The following DGKB variants were observed in gnomAD, a reference collection of about 807,000 sequenced individuals.
DGKB encodes diacylglycerol kinase beta.
In DGKB, 67 loss-of-function variants were observed where a neutral mutation model predicts 114.3. The observed-to-expected ratio is 0.59, with a 90% confidence interval of 0.48 to 0.72. The LOEUF (loss-of-function observed/expected upper bound fraction) is 0.72, where lower values mean the gene tolerates loss of function less well. Among genes scored for constraint, DGKB ranks in the 30% least tolerant of loss-of-function variants. The pLI is 0.00. For synonymous variants in DGKB, 398 were observed against 323.1 expected, an observed-to-expected ratio of 1.23 and a Z score of -2.49; for missense variants, 907 against 975.2, an observed-to-expected ratio of 0.93 and a Z score of 0.93.
At chr7:14,958,424 C>CCAA (rs1440653525) in intron 1 of DGKB, among the ~76,000 whole-genome samples, 2 of 138,982 alleles carry the variant, frequency 1.4e-5, no homozygotes, top group Admixed American at 7.8e-5. Context: ...AATACCTCTC[C>CCAA]CAACACACAC....
intron 20 of DGKB, among the ~76,000 whole-genome samples, chr7:14,490,123 G>A (rs1330863109): frequency 2.6e-5 from 4 of 151,904 alleles, no homozygotes; most frequent in Non-Finnish European, 5.9e-5. Flanking sequence ...GAGTCAATGA[G>A]GTAAATATTG....
intron 5 of DGKB, among the ~76,000 whole-genome samples, chr7:14,733,309 G>T (rs548038025): frequency 2.6e-5 from 4 of 152,218 alleles, no homozygotes; most frequent in African/African-American, 9.6e-5. Context: ...CATCTTAAAG[G>T]GCTATCATGT....
At chr7:14,663,398 T>G (rs546534043) in intron 13 of DGKB, among the ~76,000 whole-genome samples, 1 of 152,118 alleles carries the variant, frequency 6.6e-6, no homozygotes, top group Admixed American at 6.6e-5. Context: ...ACTGAATTGT[T>G]TGTTTATTAT....
At chr7:14,755,566 C>A (rs1463422405) in intron 3 of DGKB, among the ~76,000 whole-genome samples, 1 of 152,110 alleles carries the variant, frequency 6.6e-6, no homozygotes, top group Admixed American at 6.6e-5. Context: ...TTGGGGTCAA[C>A]TTGACCAGCC....
intron 21 of DGKB, among the ~76,000 whole-genome samples, chr7:14,414,394 T>G (rs1825380207): frequency 6.6e-6 from 1 of 152,152 alleles, no homozygotes; most frequent in African/African-American, 2.4e-5. Flanking sequence ...CAATATTATA[T>G]GACATACAAA....
chr7:14,880,751 A>G (rs1240048736), intron 1 of DGKB, among the ~76,000 whole-genome samples: 1 of 152,164 alleles, frequency 6.6e-6, no homozygotes, highest in African/African-American at 2.4e-5. Context: ...CGTCTCTAGG[A>G]GCCTCATACC....
At chr7:14,889,975 T>C (rs1780932647) in intron 1 of DGKB, among the ~76,000 whole-genome samples, 1 of 151,396 alleles carries the variant, frequency 6.6e-6, no homozygotes, top group Non-Finnish European at 1.5e-5. Context: ...ATAAAAACAA[T>C]GAAAAAGAGG....
intron 14 of DGKB, among the ~76,000 whole-genome samples, chr7:14,628,638 C>G (rs1268021193): frequency 6.6e-6 from 1 of 152,006 alleles, no homozygotes; most frequent in Admixed American, 6.6e-5. Flanking sequence ...TCTATATGTT[C>G]TCCCACATAT....
chr7:14,923,165 A>AT (rs1450918410), intron 1 of DGKB, among the ~76,000 whole-genome samples: 3 of 152,074 alleles, frequency 2.0e-5, no homozygotes, highest in African/African-American at 7.2e-5. Context: ...TCAAATTGTG[A>AT]TTTTTTAGAA....
chr7:14,278,232 A>C (rs1461373782), intron 23 of DGKB, among the ~76,000 whole-genome samples: 1 of 148,516 alleles, frequency 6.7e-6, no homozygotes, highest in African/African-American at 2.6e-5. Flanking sequence ...ACATGCCCTG[A>C]GTTAAAAAAT....
At chr7:14,185,598 C>T (rs1432394512) in intron 23 of DGKB, among the ~76,000 whole-genome samples, 1 of 152,150 alleles carries the variant, frequency 6.6e-6, no homozygotes, top group Non-Finnish European at 1.5e-5. Flanking sequence ...GGAAGCATCA[C>T]ATTACCTGAT....
At position 14,338,719 on chromosome 7, in the gene DGKB, TA is replaced by T; in HGVS notation, c.1927-10del. 1 of 1,413,958 alleles carries T rather than the reference TA, an allele frequency of 7.1e-7. No individual in the cohort carries two copies. Among genetic ancestry groups the T allele is most frequent in the South Asian group, 1.6e-5 (1 of 61,076 alleles). The allele number at this position is 1,413,958 out of a possible 1,614,324, so 87.6% of individuals were successfully genotyped here. ...ATCTGTACTCCATCACACTGATCGG[TA>T]AAAAGAAAGAAACAGAAACGGAATA... On this transcript the variant is annotated splice_polypyrimidine_tract_variant and intron_variant, in intron 22 of 25. Coordinates refer to ENST00000402815, the MANE Select transcript of DGKB (RefSeq NM_001350709.2).
chr7:14,392,995 G>GTTTTTTTTTTTTTTTTTTTGTT (rs1554404748), intron 21 of DGKB, among the ~76,000 whole-genome samples: 1 of 60,546 alleles, frequency 1.7e-5, no homozygotes, highest in Non-Finnish European at 3.4e-5. Flanking sequence ...TTTTGTTTTT[G>GTTTTTTTTTTTTTTTTTTTGTT]TTTTTTTTTT....
At chr7:14,945,280 C>G (rs190521505) in intron 1 of DGKB, among the ~76,000 whole-genome samples, 1 of 151,580 alleles carries the variant, frequency 6.6e-6, no homozygotes, top group South Asian at 2.1e-4. Flanking sequence ...TAAAAGCAGG[C>G]AAAACTCATC....
chr7:14,858,749 A>G (rs1433786448), intron 1 of DGKB, among the ~76,000 whole-genome samples: 8 of 152,174 alleles, frequency 5.3e-5, no homozygotes, highest in Non-Finnish European at 1.0e-4. Flanking sequence ...AGCTTTAGGT[A>G]ATTGACCAAA....
intron 21 of DGKB, among the ~76,000 whole-genome samples, chr7:14,398,799 A>C (rs562559893): frequency 6.6e-6 from 1 of 151,522 alleles, no homozygotes; most frequent in South Asian, 2.1e-4. Flanking sequence ...TGACTAAAAA[A>C]AAAAAGTTGC....
chr7:14,705,249 G>A (rs1245458281), intron 6 of DGKB, among the ~76,000 whole-genome samples: 26 of 151,528 alleles, frequency 1.7e-4, no homozygotes, highest in Non-Finnish European at 1.5e-4. Flanking sequence ...GAAATGAAGC[G>A]AGAAGGGAAG....
intron 2 of DGKB, among the ~76,000 whole-genome samples, chr7:14,819,483 G>A (rs1255889994): frequency 6.6e-6 from 1 of 152,102 alleles, no homozygotes; most frequent in East Asian, 1.9e-4. Flanking sequence ...CCAGCTATTC[G>A]GGAGGCTGAG....
At chr7:14,938,963 C>T (rs980471501) in intron 1 of DGKB, among the ~76,000 whole-genome samples, 2 of 152,096 alleles carry the variant, frequency 1.3e-5, no homozygotes, top group Non-Finnish European at 2.9e-5. Context: ...TCACAGTGAC[C>T]ACCTAACACA....
Sources: gnomAD v4.1 joint callset for allele counts (sites outside exome capture counted in the v4.1 genomes callset) on GRCh38, gnomAD v4.1.1 for gene constraint, MANE v1.5 for transcripts, NCBI Gene and HGNC (gene_info 2026-07-23, HGNC 2026-07-21) for gene names.